Variants in RAP1A observed in about 807,000 individuals in gnomAD.
The protein encoded by RAP1A is ras-related protein Rap-1A.
RAP1A carries 6 observed loss-of-function variants against 26.4 expected under a neutral mutation model. The observed-to-expected ratio is 0.23, with a 90% CI of 0.12 to 0.45. The LOEUF is 0.45. Ranked by LOEUF, RAP1A falls within the 20% of genes least tolerant of loss-of-function variation. The probability of loss-of-function intolerance (pLI) is 0.99; values close to 1 mark genes in which losing one functional copy is unlikely to be tolerated. For missense variants in RAP1A, 121 were observed against 217.2 expected (o/e 0.56, Z 2.78); for synonymous variants, 73 against 79.4 (o/e 0.92, Z 0.43).
At chr1:111,648,673 G>A in intron 1 of RAP1A, 1 of 542,010 alleles carries the variant, frequency 1.8e-6, no homozygotes, top group Admixed American at 2.3e-5. Flanking sequence ...TTTAAGGACT[G>A]GACTGTATGT....
chr1:111,593,652 CTTT>C (rs994763442), intron 1 of RAP1A, among the ~76,000 whole-genome samples: 32 of 65,406 alleles, frequency 4.9e-4, no homozygotes, highest in African/African-American at 6.2e-4. Context: ...ATGACTCCTA[CTTT>C]TTTTTTTTTT....
chr1:111,545,479 TTTA>T (rs1432708134), intron 1 of RAP1A, among the ~76,000 whole-genome samples: 1 of 152,116 alleles, frequency 6.6e-6, no homozygotes, highest in Non-Finnish European at 1.5e-5. Context: ...TATTTGTCCT[TTTA>T]TTGTTGAATT....
chr1:111,658,698 C>T (rs184336256), intron 1 of RAP1A, among the ~76,000 whole-genome samples: 72 of 152,266 alleles, frequency 4.7e-4, no homozygotes, highest in African/African-American at 1.6e-3. Flanking sequence ...CTAAACAATG[C>T]GGATTAAAAC....
intron 1 of RAP1A, among the ~76,000 whole-genome samples, chr1:111,652,885 T>A (rs1660318693): frequency 6.6e-6 from 1 of 151,968 alleles, no homozygotes; most frequent in African/African-American, 2.4e-5. Context: ...AAAAGAAAAA[T>A]ATAGAGTTAT....
intron 1 of RAP1A, among the ~76,000 whole-genome samples, chr1:111,574,856 T>A (rs1369097231): frequency 6.6e-6 from 1 of 152,268 alleles, no homozygotes; most frequent in Non-Finnish European, 1.5e-5. Flanking sequence ...ATACTGTTTT[T>A]TTGAATTTGG....
chr1:111,664,230 C>T (rs1010882989), intron 1 of RAP1A, among the ~76,000 whole-genome samples: 8 of 151,922 alleles, frequency 5.3e-5, no homozygotes, highest in Non-Finnish European at 7.4e-5. Context: ...AAAAATTATC[C>T]GGGCATGGTG....
intron 1 of RAP1A, among the ~76,000 whole-genome samples, chr1:111,549,538 T>C (rs1056534310): frequency 2.1e-4 from 32 of 151,172 alleles, no homozygotes; most frequent in African/African-American, 7.8e-4. Flanking sequence ...TAGTCCCAGC[T>C]ACTAGGGAGG....
At chr1:111,592,660 C>G (rs1032568271) in intron 1 of RAP1A, among the ~76,000 whole-genome samples, 2 of 152,184 alleles carry the variant, frequency 1.3e-5, no homozygotes, top group Non-Finnish European at 2.9e-5. Context: ...TGGGAGAACT[C>G]TGGGGTATGT....
At chr1:111,637,387 A>G (rs1659757555) in intron 1 of RAP1A, among the ~76,000 whole-genome samples, 1 of 152,184 alleles carries the variant, frequency 6.6e-6, no homozygotes, top group Non-Finnish European at 1.5e-5. Context: ...TGTCCCCCTC[A>G]TGAAATTTTA....
At chr1:111,701,364 A>G (rs1213516450) in intron 4 of RAP1A, among the ~76,000 whole-genome samples, 4 of 152,178 alleles carry the variant, frequency 2.6e-5, no homozygotes, top group Admixed American at 2.0e-4. Flanking sequence ...TGGTTGCTCA[A>G]ATGTTACCCG....
chr1:111,589,530 C>T (rs1246856996), intron 1 of RAP1A, among the ~76,000 whole-genome samples: 1 of 152,166 alleles, frequency 6.6e-6, no homozygotes, highest in Non-Finnish European at 1.5e-5. Flanking sequence ...CCTGAAAATG[C>T]TCCACATTTT....
intron 1 of RAP1A, chr1:111,649,573 A>T: frequency 4.4e-6 from 1 of 228,368 alleles, no homozygotes; most frequent in Non-Finnish European, 9.2e-6. Context: ...GAGTGAGAGG[A>T]TAGGACTCAG....
chr1:111,684,432 C>T (rs1185794698), intron 1 of RAP1A, among the ~76,000 whole-genome samples: 4 of 152,204 alleles, frequency 2.6e-5, no homozygotes, highest in African/African-American at 9.7e-5. Flanking sequence ...AGCTGATAAG[C>T]AACTTCAGCG....
chr1:111,613,326 A>T (rs916376881), intron 1 of RAP1A, among the ~76,000 whole-genome samples: 3 of 151,890 alleles, frequency 2.0e-5, no homozygotes, highest in Non-Finnish European at 4.4e-5. Flanking sequence ...CAGCCTCCCG[A>T]GTAGCTGGGA....
chr1:111,686,705 A>AAC (rs1661493037), intron 1 of RAP1A: 1 of 150,834 alleles, frequency 6.6e-6, no homozygotes, highest in Admixed American at 6.6e-5. Flanking sequence ...AAAAAAAAAA[A>AAC]AAAAAAAAGT....
intron 1 of RAP1A, among the ~76,000 whole-genome samples, chr1:111,679,160 G>A (rs1012227922): frequency 6.6e-6 from 1 of 152,178 alleles, no homozygotes; most frequent in African/African-American, 2.4e-5. Flanking sequence ...CAGAAGGCAG[G>A]TGATTTCTGC....
chr1:111,708,094 T>C lies in RAP1A; in HGVS notation c.469-1055T>C, dbSNP rs1318375862. ...GGGAGGCTGAGATGGAAGGATCACT[T>C]GAGCCTGGGAAGTGGAAGTTGCAGT... On this transcript the variant is annotated intron_variant, in intron 6 of 7. Coordinates refer to ENST00000369709, the MANE Select transcript of RAP1A (RefSeq NM_002884.4). 2.0e-5 allele frequency among the ~76,000 whole-genome samples: 3 copies of C among 152,184 alleles called. No individual in the cohort carries two copies. In the East Asian group the frequency reaches 5.8e-4, roughly 29 times the overall value.
At chr1:111,661,972 A>C (rs1302864949) in intron 1 of RAP1A, among the ~76,000 whole-genome samples, 2 of 152,162 alleles carry the variant, frequency 1.3e-5, no homozygotes, top group Non-Finnish European at 2.9e-5. Flanking sequence ...GCACAAAATC[A>C]AAGATTCCTT....
chr1:111,634,695 A>G (rs1479159333), intron 1 of RAP1A, among the ~76,000 whole-genome samples: 1 of 151,676 alleles, frequency 6.6e-6, no homozygotes, highest in Non-Finnish European at 1.5e-5. Flanking sequence ...GCCAGGCTGG[A>G]GTGCAGTGGT....
Sources: gnomAD v4.1 joint callset for allele counts (sites outside exome capture counted in the v4.1 genomes callset) on GRCh38, gnomAD v4.1.1 for gene constraint, MANE v1.5 for transcripts, NCBI Gene and HGNC (gene_info 2026-07-23, HGNC 2026-07-21) for gene names.